The following RASGRP3 variants were observed in gnomAD, a reference collection of about 807,000 sequenced individuals.
RASGRP3 encodes the protein RAS guanyl releasing protein 3.
RASGRP3 carries 54 observed loss-of-function variants against 82.7 expected under a neutral mutation model. The observed-to-expected ratio is 0.65, with a 90% CI of 0.52 to 0.82. The LOEUF (loss-of-function observed/expected upper bound fraction) is 0.82, where lower values mean the gene tolerates loss of function less well. Ranked by LOEUF, RASGRP3 falls within the 40% of genes least tolerant of loss-of-function variation. The pLI is 0.00. For synonymous variants in RASGRP3, 309 were observed against 300.5 expected (o/e 1.03, Z -0.29); for missense variants, 861 against 828.9 (o/e 1.04, Z -0.48).
chr2:33,445,114 A>C (rs529423507), intron 1 of RASGRP3, among the ~76,000 whole-genome samples: 7 of 152,340 alleles, frequency 4.6e-5, no homozygotes, highest in African/African-American at 1.4e-4. Context: ...ATGCTATAAT[A>C]ATCTTCTATA....
At chr2:33,496,723 G>A (rs927311121) in intron 1 of RASGRP3, among the ~76,000 whole-genome samples, 1 of 152,154 alleles carries the variant, frequency 6.6e-6, no homozygotes, top group South Asian at 2.1e-4. Flanking sequence ...AAGGTGTGGC[G>A]GCGCATGCCT....
intron 6 of RASGRP3, among the ~76,000 whole-genome samples, chr2:33,520,895 C>T (rs1671969544): frequency 6.6e-6 from 1 of 152,090 alleles, no homozygotes; most frequent in African/African-American, 2.4e-5. Flanking sequence ...TGGACGATAC[C>T]TTTCTCATGA....
chr2:33,527,514 T>C, intron 10 of RASGRP3, 102 bp downstream of exon 10: 1 of 1,304,826 alleles, frequency 7.7e-7, no homozygotes, highest in Non-Finnish European at 1.0e-6. Context: ...TGGGGGAAAA[T>C]TGGTTTCAGA....
At chr2:33,442,996 C>A (rs1665308860) in intron 1 of RASGRP3, among the ~76,000 whole-genome samples, 1 of 151,786 alleles carries the variant, frequency 6.6e-6, no homozygotes, top group East Asian at 1.9e-4. Flanking sequence ...GGATTTGCTG[C>A]TGAACTTTTT....
At chr2:33,534,249 GA>G (rs1398691778) in intron 10 of RASGRP3, 73 bp from the exon 11 acceptor site, 26 of 1,056,042 alleles carry the variant, frequency 2.5e-5, no homozygotes, top group Non-Finnish European at 2.9e-5. Context: ...CATTCAACTT[GA>G]AAAAAAATTC....
chr2:33,541,052 CTG>C (rs1453630557), intron 12 of RASGRP3, among the ~76,000 whole-genome samples: 1 of 146,714 alleles, frequency 6.8e-6, no homozygotes, highest in African/African-American at 2.4e-5. Context: ...TTAATTAAAA[CTG>C]GAGATTAATT....
intron 9 of RASGRP3, among the ~76,000 whole-genome samples, chr2:33,526,617 G>C (rs1442598231): frequency 6.6e-6 from 1 of 152,132 alleles, no homozygotes; most frequent in East Asian, 1.9e-4. Context: ...CTTACTTACA[G>C]AGAAAGAAAC....
chr2:33,485,222 A>C (rs17013129), intron 1 of RASGRP3, among the ~76,000 whole-genome samples: 12,564 of 152,282 alleles, frequency 0.083, 670 homozygotes, highest in East Asian at 0.2. Flanking sequence ...AACTCTATGA[A>C]AAGGGAAGCC....
At chr2:33,499,323 CGAGGTGG>C (rs1558448678) in intron 1 of RASGRP3, among the ~76,000 whole-genome samples, 2 of 152,028 alleles carry the variant, frequency 1.3e-5, no homozygotes, top group South Asian at 2.1e-4. Flanking sequence ...TTTGGGAGAC[CGAGGTGG>C]GTGGATCGCC....
chr2:33,562,592 C>G, intron 17 of RASGRP3, 137 bp from the exon 18 acceptor site: 3 of 948,960 alleles, frequency 3.2e-6, no homozygotes, highest in Non-Finnish European at 4.8e-6. Flanking sequence ...CTCCTAATTC[C>G]CACTAAATCC....
At chr2:33,481,304 G>A (rs1366038771) in intron 1 of RASGRP3, 5 of 152,172 alleles carry the variant, frequency 3.3e-5, no homozygotes, top group Admixed American at 2.6e-4. Flanking sequence ...TGGGACTACA[G>A]GTGCCCACCA....
At chr2:33,549,012 A>C (rs1228455162) in intron 13 of RASGRP3, among the ~76,000 whole-genome samples, 1 of 152,150 alleles carries the variant, frequency 6.6e-6, no homozygotes, top group Non-Finnish European at 1.5e-5. Flanking sequence ...TTGATAAACA[A>C]GAAGTCAGCG....
intron 3 of RASGRP3, 81 bp downstream of exon 3, chr2:33,515,287 G>T (rs1021890114): frequency 4.5e-5 from 66 of 1,475,318 alleles, no homozygotes; most frequent in Admixed American, 3.0e-4. Context: ...GTTGCTTGTA[G>T]AACAGAGTTC....
chr2:33,562,761 C>A lies in RASGRP3; in HGVS notation c.*24C>A. On this transcript the variant is annotated 3_prime_UTR_variant, in exon 18 of 18. Transcript: ENST00000403687. ...GACTTCAGGCTGCGGAAACTGAAGG[C>A]AATAATGTTGGCTTTTGGAAGGGGC... 6.2e-7 allele frequency: 1 copy of A among 1,612,512 alleles called. No homozygotes were observed. Among genetic ancestry groups the A allele is most frequent in the Non-Finnish European group, 8.5e-7 (1 of 1,178,600 alleles).
chr2:33,513,498 A>G (rs551072914), intron 2 of RASGRP3, among the ~76,000 whole-genome samples: 28 of 152,332 alleles, frequency 1.8e-4, no homozygotes, highest in African/African-American at 6.0e-4. Context: ...CAGGTGCTCA[A>G]TGATTGCCAG....
At chr2:33,489,189 A>T (rs1668642053) in intron 1 of RASGRP3, among the ~76,000 whole-genome samples, 1 of 152,178 alleles carries the variant, frequency 6.6e-6, no homozygotes, top group African/African-American at 2.4e-5. Flanking sequence ...CAATTATCCA[A>T]CCAAATATGT....
chr2:33,485,656 C>T (rs1668308334), intron 1 of RASGRP3, among the ~76,000 whole-genome samples: 1 of 152,070 alleles, frequency 6.6e-6, no homozygotes, highest in Admixed American at 6.6e-5. Flanking sequence ...ATATTCATTC[C>T]CATGAAATGT....
chr2:33,480,042 A>ATT (rs397868583), intron 1 of RASGRP3, among the ~76,000 whole-genome samples: 25,490 of 131,710 alleles, frequency 0.19, 2,758 homozygotes, highest in Non-Finnish European at 0.21. Flanking sequence ...TGAAAGAGGA[A>ATT]TTTTTTTTTT....
At chr2:33,547,367 T>TTTTTTTTC (rs1468658446) in intron 13 of RASGRP3, among the ~76,000 whole-genome samples, 1 of 101,682 alleles carries the variant, frequency 9.8e-6, no homozygotes, top group Non-Finnish European at 2.0e-5. Flanking sequence ...TTTTTTTTTT[T>TTTTTTTTC]TTTTGCCTCC....
Sources: gnomAD v4.1 joint callset for allele counts (sites outside exome capture counted in the v4.1 genomes callset) on GRCh38, gnomAD v4.1.1 for gene constraint, MANE v1.5 for transcripts, NCBI Gene and HGNC (gene_info 2026-07-23, HGNC 2026-07-21) for gene names.